The following GMDS variants were observed in gnomAD, a reference collection of about 807,000 sequenced individuals.
GMDS encodes the protein GDP-mannose 4,6-dehydratase.
A neutral mutation model predicts 49.9 loss-of-function variants in GMDS; 20 were observed. The observed-to-expected ratio is 0.40, with a 90% CI of 0.28 to 0.58. The LOEUF is 0.58. GMDS is among the 20% of genes least tolerant of loss of function. GMDS has a pLI of 0.42. For synonymous variants in GMDS, 177 were observed against 178.6 expected, an observed-to-expected ratio of 0.99 and a Z score of 0.07; for missense variants, 362 against 481.4, an observed-to-expected ratio of 0.75 and a Z score of 2.32.
At chr6:1,854,112 G>A (rs972955467) in intron 7 of GMDS, among the ~76,000 whole-genome samples, 2 of 152,184 alleles carry the variant, frequency 1.3e-5, no homozygotes, top group African/African-American at 4.8e-5. Flanking sequence ...TCACACCCAG[G>A]CAAGATTTGG....
At chr6:2,169,326 T>C (rs914895189) in intron 1 of GMDS, among the ~76,000 whole-genome samples, 13 of 152,082 alleles carry the variant, frequency 8.5e-5, no homozygotes, top group African/African-American at 3.1e-4. Flanking sequence ...ACACTACATA[T>C]AACAGTATGG....
At chr6:1,809,643 G>C (rs1194441448) in intron 7 of GMDS, among the ~76,000 whole-genome samples, 1 of 152,174 alleles carries the variant, frequency 6.6e-6, no homozygotes, top group Non-Finnish European at 1.5e-5. Context: ...TGTAGGCCGA[G>C]TAACAGGAAC....
intron 1 of GMDS, among the ~76,000 whole-genome samples, chr6:2,167,354 C>T (rs921603483): frequency 2.0e-5 from 3 of 152,120 alleles, no homozygotes; most frequent in Non-Finnish European, 4.4e-5. Flanking sequence ...ATCTATACTG[C>T]CTCATCTAGC....
intron 4 of GMDS, among the ~76,000 whole-genome samples, chr6:2,050,395 C>T (rs1770309763): frequency 6.6e-6 from 1 of 152,044 alleles, no homozygotes; most frequent in South Asian, 2.1e-4. Flanking sequence ...AATAGACTAC[C>T]AACCAAAAAA....
chr6:1,650,360 AG>A (rs1223562398), intron 9 of GMDS, among the ~76,000 whole-genome samples: 1 of 152,176 alleles, frequency 6.6e-6, no homozygotes, highest in African/African-American at 2.4e-5. Flanking sequence ...TAAAGACATA[AG>A]AGACTCCTTA....
Position 2,191,101 on chromosome 6 carries a change from C to A in GMDS, c.102+54220G>T, listed in dbSNP as rs541295076. 6.6e-6 allele frequency among the ~76,000 whole-genome samples: 1 copy of A among 152,218 alleles called. No individual in the cohort carries two copies. The highest frequency in any genetic ancestry group is 2.1e-4 in the South Asian group (1 of 4,832). On this transcript the variant is annotated intron_variant, in intron 1 of 10. Transcript: ENST00000380815. The surrounding 1 kb of genome is among the most constrained non-coding windows in gnomAD (Gnocchi z 4.6). Reference sequence around the variant, plus strand: ...CCCAGCCAGTGGTGCGGTCACCACGCCCACTGCACCAAGGGTGCCGTGTTC... The same window carrying A: ...CCCAGCCAGTGGTGCGGTCACCACGACCACTGCACCAAGGGTGCCGTGTTC...
chr6:2,006,474 C>A (rs912777797), intron 4 of GMDS, among the ~76,000 whole-genome samples: 23 of 152,064 alleles, frequency 1.5e-4, no homozygotes, highest in Admixed American at 1.4e-3. Flanking sequence ...ATCATCAAAT[C>A]CACTGGTTTC....
intron 7 of GMDS, among the ~76,000 whole-genome samples, chr6:1,873,115 C>T (rs1180953485): frequency 6.6e-6 from 1 of 152,210 alleles, no homozygotes; most frequent in Non-Finnish European, 1.5e-5. Flanking sequence ...TCGCCCAGTT[C>T]TTTAAAGGCA....
chr6:1,793,060 T>C (rs1046499946), intron 7 of GMDS, among the ~76,000 whole-genome samples: 7 of 152,250 alleles, frequency 4.6e-5, no homozygotes, highest in African/African-American at 1.4e-4. Context: ...AATCCCCATG[T>C]ATCTCATCTT....
intron 8 of GMDS, among the ~76,000 whole-genome samples, chr6:1,731,360 A>G (rs1243374164): frequency 2.6e-5 from 4 of 152,250 alleles, no homozygotes; most frequent in Non-Finnish European, 5.9e-5. Flanking sequence ...AGAGAGGCAC[A>G]TGCATTTCCA....
At chr6:1,841,427 C>T (rs964700419) in intron 7 of GMDS, among the ~76,000 whole-genome samples, 1 of 152,166 alleles carries the variant, frequency 6.6e-6, no homozygotes, top group Non-Finnish European at 1.5e-5. Flanking sequence ...AAACTTCTAT[C>T]GAACCTAACA....
chr6:1,960,331 T>C (rs1475325626), intron 5 of GMDS, among the ~76,000 whole-genome samples: 1 of 152,136 alleles, frequency 6.6e-6, no homozygotes, highest in Non-Finnish European at 1.5e-5. Flanking sequence ...CACTGAAGTC[T>C]TTCATTAATA....
At chr6:1,676,861 C>T (rs868389808) in intron 9 of GMDS, among the ~76,000 whole-genome samples, 2 of 152,180 alleles carry the variant, frequency 1.3e-5, no homozygotes, top group East Asian at 1.9e-4. Flanking sequence ...CCATTCAGGA[C>T]ATAGGCATGG....
rs1017251070 is a variant in GMDS, at chr6:1,742,683, G to A, written c.772-97C>T. The A allele has an allele frequency of 1.6e-5, 11 of 670,212 alleles. No individual in the cohort carries two copies. The African/African-American group carries it at 2.0e-4, about 12-fold the overall frequency. 41.5% of individuals were successfully genotyped at this position (670,212 alleles called of 1,614,324 possible). On this transcript the variant is annotated intron_variant, in intron 7 of 10. Coordinates refer to ENST00000380815, the MANE Select transcript of GMDS (RefSeq NM_001500.4). ...AATCAGATATGGACATCGACAGCTG[G>A]AACATGAGCATGAATTTCATAGCAT... is the stretch of plus-strand genomic sequence containing the variant.
At chr6:2,015,544 A>T (rs936133547) in intron 4 of GMDS, among the ~76,000 whole-genome samples, 3 of 152,186 alleles carry the variant, frequency 2.0e-5, no homozygotes, top group Non-Finnish European at 4.4e-5. Flanking sequence ...TGAATGCAAC[A>T]TTAGGAAAGA....
chr6:1,916,857 A>G (rs1448654142), intron 7 of GMDS, among the ~76,000 whole-genome samples: 2 of 150,980 alleles, frequency 1.3e-5, no homozygotes, highest in South Asian at 2.1e-4. Flanking sequence ...TAAACCACCC[A>G]TGCCACGTCT....
chr6:1,752,904 A>G (rs1256745337), intron 7 of GMDS, among the ~76,000 whole-genome samples: 1 of 152,200 alleles, frequency 6.6e-6, no homozygotes, highest in African/African-American at 2.4e-5. Flanking sequence ...TGGAAAGGAA[A>G]AACCGGTACC....
chr6:2,146,653 T>C (rs1007640502), intron 1 of GMDS, among the ~76,000 whole-genome samples: 2 of 152,198 alleles, frequency 1.3e-5, no homozygotes, highest in Admixed American at 1.3e-4. Context: ...TCTGTATTCT[T>C]GCACACTCAA....
intron 4 of GMDS, among the ~76,000 whole-genome samples, chr6:2,100,688 C>G (rs562234558): frequency 3.4e-4 from 51 of 151,992 alleles, no homozygotes; most frequent in Non-Finnish European, 6.6e-4. Context: ...AGATAGTATA[C>G]ATAGCATCAG....
Sources: gnomAD v4.1 joint callset for allele counts (sites outside exome capture counted in the v4.1 genomes callset) on GRCh38, gnomAD v4.1.1 for gene constraint, Gnocchi (gnomAD v3.1) non-coding constraint, MANE v1.5 for transcripts, NCBI Gene and HGNC (gene_info 2026-07-23, HGNC 2026-07-21) for gene names.